The following CLMP variants were observed in gnomAD, a reference collection of about 807,000 sequenced individuals.
CLMP encodes the protein CXADR-like membrane protein.
In CLMP, 27 loss-of-function variants were observed where a neutral mutation model predicts 45.2. The ratio of observed to expected loss-of-function variants is 0.60; its 90% confidence interval spans 0.44 to 0.82. CLMP has a LOEUF of 0.82. CLMP is among the 40% of genes least tolerant of loss of function. The pLI, the probability that CLMP is intolerant of heterozygous loss-of-function variation, is 0.00. For missense variants in CLMP, 403 were observed against 448.4 expected (o/e 0.90, Z 0.91); for synonymous variants, 167 against 171.4 (o/e 0.97, Z 0.20).
rs1026457223 is a variant in CLMP at position 123,070,126 on chromosome 11, TTATA to T, written c.*3344_*3347del. 4.6e-5 allele frequency: 7 copies of T among 152,346 alleles called. No individual in the cohort carries two copies. The highest frequency in any genetic ancestry group is 6.5e-5 in the Admixed American group (1 of 15,300). 9.4% of individuals were successfully genotyped at this position (152,346 alleles called of 1,614,324 possible). On this transcript the variant is annotated 3_prime_UTR_variant, in exon 7 of 7. Coordinates refer to ENST00000448775, the MANE Select transcript of CLMP (RefSeq NM_024769.5). ...CTTATTTCACAAATTTAAGTTTGGT[TTATA>T]TATTTTATTGACATGGTTACTCAAT...
chr11:123,141,475 C>T (rs1269008339), intron 1 of CLMP, among the ~76,000 whole-genome samples: 8 of 152,048 alleles, frequency 5.3e-5, no homozygotes, highest in East Asian at 1.9e-4. Context: ...TGAGCCACCG[C>T]GCCCGGCCAG....
intron 1 of CLMP, among the ~76,000 whole-genome samples, chr11:123,149,782 T>TCTTC (rs1363154522): frequency 2.9e-5 from 4 of 138,682 alleles, no homozygotes; most frequent in African/African-American, 6.1e-5. Context: ...TTTCTTTCTT[T>TCTTC]CTTTCTTCCT....
At chr11:123,091,331 CT>C (rs1865929932) in intron 2 of CLMP, among the ~76,000 whole-genome samples, 1 of 152,166 alleles carries the variant, frequency 6.6e-6, no homozygotes, top group Non-Finnish European at 1.5e-5. Context: ...TCTCAAACCC[CT>C]GACCTTAAGC....
At chr11:123,150,337 T>C (rs1482427491) in intron 1 of CLMP, among the ~76,000 whole-genome samples, 1 of 149,430 alleles carries the variant, frequency 6.7e-6, no homozygotes, top group African/African-American at 2.5e-5. Flanking sequence ...AGATCTTCCA[T>C]GGTCAGAAAG....
chr11:123,174,192 C>A (rs186090130), intron 1 of CLMP, among the ~76,000 whole-genome samples: 24 of 152,320 alleles, frequency 1.6e-4, no homozygotes, highest in Admixed American at 1.4e-3. Flanking sequence ...AAGACATTGT[C>A]CTTCAGAGCA....
intron 1 of CLMP, among the ~76,000 whole-genome samples, chr11:123,138,753 A>C (rs976869222): frequency 6.6e-6 from 1 of 152,128 alleles, no homozygotes; most frequent in Admixed American, 6.5e-5. Context: ...TCCCGGGTTC[A>C]AGCAATTTTC....
At position 123,168,357 on chromosome 11, in the gene CLMP, CT is replaced by C. The variant is rs1259181004; in HGVS notation, c.28+26555del. 2.6e-5 allele frequency among the ~76,000 whole-genome samples: 4 copies of C among 152,346 alleles called. No individual in the cohort carries two copies. In the South Asian group the frequency reaches 6.2e-4, roughly 24 times the overall value. ...ACAGCATCTAGGGCAGCTGCCCCCC[CT>C]GGTTCTTCCTATCTACATCTGGATT... On this transcript the variant is annotated intron_variant, in intron 1 of 6. Transcript: ENST00000448775.
intron 1 of CLMP, among the ~76,000 whole-genome samples, chr11:123,115,586 GA>G (rs199560448): frequency 1.1e-4 from 17 of 149,452 alleles, no homozygotes; most frequent in South Asian, 2.1e-4. Context: ...TACAGAAACA[GA>G]AAAAAAAAAT....
chr11:123,088,751 A>C (rs1309347073), intron 2 of CLMP, among the ~76,000 whole-genome samples: 1 of 152,054 alleles, frequency 6.6e-6, no homozygotes, highest in African/African-American at 2.4e-5. Flanking sequence ...TCAGCCTCTC[A>C]AGTAGCCGGG....
At chr11:123,087,269 G>A (rs776710108) in intron 2 of CLMP, among the ~76,000 whole-genome samples, 27 of 152,024 alleles carry the variant, frequency 1.8e-4, no homozygotes, top group African/African-American at 2.9e-4. Context: ...CCCGGGAGGC[G>A]GAGGTTGCAA....
At chr11:123,163,418 C>T (rs1861513192) in intron 1 of CLMP, among the ~76,000 whole-genome samples, 1 of 152,164 alleles carries the variant, frequency 6.6e-6, no homozygotes, top group Admixed American at 6.5e-5. Context: ...CTGGTCTAGA[C>T]TCCAGAGGAG....
chr11:123,136,155 C>T (rs1414951648), intron 1 of CLMP: 2 of 628,584 alleles, frequency 3.2e-6, no homozygotes, highest in African/African-American at 3.7e-5. Context: ...CCACCTACTG[C>T]AGTTGCTGCA....
intron 1 of CLMP, among the ~76,000 whole-genome samples, chr11:123,128,628 C>T (rs994720800): frequency 2.6e-5 from 4 of 152,086 alleles, no homozygotes; most frequent in Non-Finnish European, 5.9e-5. Context: ...TCACTGCATT[C>T]TAGCCTGAGC....
chr11:123,179,743 G>A (rs1264872408), intron 1 of CLMP, among the ~76,000 whole-genome samples: 1 of 152,208 alleles, frequency 6.6e-6, no homozygotes, highest in Non-Finnish European at 1.5e-5. Context: ...AAATCCTTGG[G>A]CTTGCCGGGG....
In CLMP at chr11:123,072,917, C is replaced by T. The variant is rs539950325; in HGVS notation, c.*557G>A. Reference sequence around the variant, plus strand: ...TGAAATTAATATCCAAACCTTATGACAAATGAAGTTAAGTCAGAATAGAAG... The same window carrying T: ...TGAAATTAATATCCAAACCTTATGATAAATGAAGTTAAGTCAGAATAGAAG... On this transcript the variant is annotated 3_prime_UTR_variant, in exon 7 of 7. Transcript: ENST00000448775. The T allele has an allele frequency of 6.6e-6, 1 of 152,468 alleles. No homozygotes were observed. Among genetic ancestry groups the T allele is most frequent in the South Asian group, 2.1e-4 (1 of 4,832 alleles). The allele number at this position is 152,468 out of a possible 1,614,324, so 9.4% of individuals were successfully genotyped here.
chr11:123,150,463 GAAAGAAAGAAAGAAAGA>G (rs1565397332), intron 1 of CLMP, among the ~76,000 whole-genome samples: 79 of 100,930 alleles, frequency 7.8e-4, no homozygotes, highest in Non-Finnish European at 1.3e-3. Context: ...AAGAAAGAAA[GAAAGAAAGAAAGAAAGA>G]AAGGAAGGAA....
intron 2 of CLMP, among the ~76,000 whole-genome samples, chr11:123,088,764 T>G (rs1018225741): frequency 1.3e-5 from 2 of 152,146 alleles, no homozygotes; most frequent in African/African-American, 4.8e-5. Flanking sequence ...TAGCCGGGAT[T>G]ACAGGCATTC....
At chr11:123,136,127 C>A in intron 1 of CLMP, 1 of 623,454 alleles carries the variant, frequency 1.6e-6, no homozygotes, top group Non-Finnish European at 3.1e-6. Context: ...GACTAGCAAT[C>A]TGACGGCAAG....
At position 123,073,443 on chromosome 11, in the gene CLMP, A is replaced by G. The variant is rs762772154; in HGVS notation, c.*31T>C. On this transcript the variant is annotated 3_prime_UTR_variant, in exon 7 of 7. Coordinates refer to ENST00000448775, the MANE Select transcript of CLMP (RefSeq NM_024769.5). ...GAAGAGTCCAAAGACCCTGACTCCT[A>G]GGAAAGCGTGGGAGTCAAGTCCATT... 4 of 1,570,572 alleles carry G rather than the reference A, an allele frequency of 2.5e-6. No individual in the cohort carries two copies. Among genetic ancestry groups the G allele is most frequent in the Non-Finnish European group, 3.5e-6 (4 of 1,157,602 alleles).
Sources: allele counts gnomAD v4.1 joint callset (sites outside exome capture counted in the v4.1 genomes callset), GRCh38; gene constraint gnomAD v4.1.1; transcripts MANE v1.5; gene names NCBI Gene and HGNC (gene_info 2026-07-23, HGNC 2026-07-21).